The following DNAJC3 variants were observed in gnomAD, a reference collection of about 807,000 sequenced individuals.
DNAJC3 encodes dnaJ homolog subfamily C member 3.
A neutral mutation model predicts 68.6 loss-of-function variants in DNAJC3; 38 were observed. That is an observed-to-expected ratio of 0.55 (90% confidence interval 0.43 to 0.73). The LOEUF is 0.73. Ranked by LOEUF, DNAJC3 falls within the 30% of genes least tolerant of loss-of-function variation. The probability of loss-of-function intolerance (pLI) is 0.00; values close to 1 mark genes in which losing one functional copy is unlikely to be tolerated. For missense variants in DNAJC3, 526 were observed against 591.9 expected (o/e 0.89, Z 1.16); for synonymous variants, 203 against 204.0 (o/e 1.00, Z 0.04).
chr13:95,737,080 A>T (rs1472571007), intron 4 of DNAJC3, among the ~76,000 whole-genome samples: 6 of 150,804 alleles, frequency 4.0e-5, no homozygotes, highest in African/African-American at 1.5e-4. Context: ...TGAGATAATC[A>T]TGTGGTTTTT....
chr13:95,752,340 CTT>C (rs746846858), intron 4 of DNAJC3, among the ~76,000 whole-genome samples: 44 of 152,200 alleles, frequency 2.9e-4, no homozygotes, highest in African/African-American at 7.2e-4. Flanking sequence ...GTAAAAATAA[CTT>C]TTCAAAAACC....
chr13:95,762,668 G>A (rs1162841321), intron 7 of DNAJC3, among the ~76,000 whole-genome samples: 1 of 152,094 alleles, frequency 6.6e-6, no homozygotes, highest in African/African-American at 2.4e-5. Flanking sequence ...TTGTTACATA[G>A]GTAAACGTGT....
chr13:95,746,562 T>C (rs1275863354), intron 4 of DNAJC3, among the ~76,000 whole-genome samples: 6 of 152,226 alleles, frequency 3.9e-5, no homozygotes, highest in African/African-American at 1.4e-4. Flanking sequence ...AAATTTATGT[T>C]ATGCCTATTT....
At chr13:95,773,731 C>CTTTTT (rs143145399) in intron 9 of DNAJC3, among the ~76,000 whole-genome samples, 21 of 71,324 alleles carry the variant, frequency 2.9e-4, no homozygotes, top group Admixed American at 3.7e-4. Context: ...TTTTGTTGGT[C>CTTTTT]TTTTTTTTTT....
rs1160120828 is a variant in DNAJC3 at position 95,794,888 on chromosome 13, T to C, written c.*3858T>C. The C allele has an allele frequency of 1.3e-5, 2 of 152,250 alleles. No individual in the cohort carries two copies. The highest frequency in any genetic ancestry group is 2.4e-5 in the African/African-American group (1 of 41,468). The allele number at this position is 152,250 out of a possible 1,614,324, so 9.4% of individuals were successfully genotyped here. On this transcript the variant is annotated 3_prime_UTR_variant, in exon 12 of 12. Coordinates refer to ENST00000602402, the MANE Select transcript of DNAJC3 (RefSeq NM_006260.5). Reference sequence around the variant, plus strand: ...GTAGTGTTTTAATAAAAAAGGAACCTAATATTTGAAATGGGTCTCAGACAT... The same window carrying C: ...GTAGTGTTTTAATAAAAAAGGAACCCAATATTTGAAATGGGTCTCAGACAT...
intron 4 of DNAJC3, among the ~76,000 whole-genome samples, chr13:95,750,319 AGAAG>A (rs1197584612): frequency 1.3e-5 from 2 of 151,364 alleles, no homozygotes; most frequent in African/African-American, 4.8e-5. Context: ...ACTCCTGTAT[AGAAG>A]GGAGATAATC....
In DNAJC3 at chr13:95,709,334, G is replaced by A. The variant is rs746997401; in HGVS notation, c.190G>A (p.Val64Ile). The part of the protein sequence containing the change: ...ADALSQFHAA[V>I]DGDPDNYIAY... ...TGCTTTATCTCAGTTTCATGCTGCC[G>A]TAGGTTTGTATCATGGAACCAAATC... Residue 64 changes from valine (V) to isoleucine (I), a missense_variant, in exon 2 of 12, where the codon GTA becomes ATA. Transcript: ENST00000602402. 19 of 1,583,686 alleles carry A rather than the reference G, an allele frequency of 1.2e-5. No homozygotes were observed. The Admixed American group carries it at 1.4e-4, about 12-fold the overall frequency.
chr13:95,777,576 A>T (rs995977748), intron 9 of DNAJC3, among the ~76,000 whole-genome samples: 38 of 152,218 alleles, frequency 2.5e-4, no homozygotes, highest in Non-Finnish European at 4.7e-4. Flanking sequence ...TTAAGTCAAA[A>T]TTCACAAGAG....
chr13:95,765,087 A>G (rs1882954978), intron 9 of DNAJC3, among the ~76,000 whole-genome samples: 1 of 152,014 alleles, frequency 6.6e-6, no homozygotes, highest in African/African-American at 2.4e-5. Context: ...GGTCACTACT[A>G]TTTGTGGGAC....
chr13:95,687,350 G>A (rs1880098925), intron 1 of DNAJC3, among the ~76,000 whole-genome samples: 1 of 152,066 alleles, frequency 6.6e-6, no homozygotes, highest in African/African-American at 2.4e-5. Context: ...GTCCCTTTTG[G>A]ATATCTTTTA....
chr13:95,741,238 A>G (rs1458490424), intron 4 of DNAJC3, among the ~76,000 whole-genome samples: 1 of 151,804 alleles, frequency 6.6e-6, no homozygotes, highest in African/African-American at 2.4e-5. Context: ...TTTCCTTAAG[A>G]TGTGTTTGTG....
intron 1 of DNAJC3, among the ~76,000 whole-genome samples, chr13:95,689,726 G>A (rs1455691037): frequency 6.6e-6 from 1 of 151,850 alleles, no homozygotes; most frequent in Non-Finnish European, 1.5e-5. Context: ...TTTTGATGTA[G>A]GCATTTAATG....
intron 9 of DNAJC3, among the ~76,000 whole-genome samples, chr13:95,773,152 G>GTTT (rs1191609072): frequency 6.1e-4 from 60 of 97,796 alleles, no homozygotes; most frequent in South Asian, 1.4e-3. Flanking sequence ...GACAAATTTA[G>GTTT]TTTTTTTTTT....
Position 95,757,870 on chromosome 13 carries a change from A to G in DNAJC3, c.546+74A>G, listed in dbSNP as rs147430168. 1,463 of 1,398,588 alleles carry G rather than the reference A, an allele frequency of 1.0e-3. 2 individuals carry two copies. Among genetic ancestry groups the G allele is most frequent in the South Asian group, 1.1e-3 (59 of 53,748 alleles). The allele number at this position is 1,398,588 out of a possible 1,614,324, so 86.6% of individuals were successfully genotyped here. A position where few individuals can be genotyped will look rare whatever the true frequency, so the allele number is the denominator to read the frequency against. ...GCACATTTATATACTTCGACATGTC[A>G]CATACCACAAAGACCTAGACAGGAG... On this transcript the variant is annotated intron_variant, in intron 5 of 11. Transcript: ENST00000602402.
At chr13:95,732,149 G>GTGT (rs1201983354) in intron 4 of DNAJC3, among the ~76,000 whole-genome samples, 2 of 152,050 alleles carry the variant, frequency 1.3e-5, no homozygotes, top group Non-Finnish European at 2.9e-5. Context: ...TTTCTTTGTT[G>GTGT]TGTCCTTGTC....
chr13:95,791,090 T>C lies in DNAJC3; in HGVS notation c.*60T>C. On this transcript the variant is annotated 3_prime_UTR_variant, in exon 12 of 12. Coordinates refer to ENST00000602402, the MANE Select transcript of DNAJC3 (RefSeq NM_006260.5). The stretch of plus-strand genomic sequence containing the variant: ...AAGATTAAAAACAAAGAAATCTTGT[T>C]CCGGGACCCTAATGAAAAAAAATTT... 6.3e-7 allele frequency: 1 copy of C among 1,580,572 alleles called. No homozygotes were observed. Among genetic ancestry groups the C allele is most frequent in the Non-Finnish European group, 8.6e-7 (1 of 1,163,838 alleles).
intron 4 of DNAJC3, among the ~76,000 whole-genome samples, chr13:95,740,397 C>A (rs1290208011): frequency 6.6e-6 from 1 of 152,150 alleles, no homozygotes; most frequent in Non-Finnish European, 1.5e-5. Flanking sequence ...ATGGCGGGCG[C>A]CCCTCCCCCA....
chr13:95,772,506 A>G (rs78111340), intron 9 of DNAJC3, among the ~76,000 whole-genome samples: 2,562 of 152,318 alleles, frequency 0.017, 37 homozygotes, highest in South Asian at 0.046. Flanking sequence ...TGAGAGTTCT[A>G]GTTGCTCTGC....
intron 9 of DNAJC3, among the ~76,000 whole-genome samples, chr13:95,781,378 G>T (rs1428418753): frequency 2.0e-5 from 3 of 152,116 alleles, no homozygotes; most frequent in East Asian, 3.9e-4. Context: ...CTCGGCCAAA[G>T]ATAATGGCTT....
Sources: gnomAD v4.1 joint callset for allele counts (sites outside exome capture counted in the v4.1 genomes callset) on GRCh38, gnomAD v4.1.1 for gene constraint, MANE v1.5 for transcripts, NCBI Gene and HGNC (gene_info 2026-07-23, HGNC 2026-07-21) for gene names.